SLMAP: variants seen among roughly 807,000 people sequenced by gnomAD.
SLMAP encodes sarcolemma associated protein, also known as sarcolemmal membrane-associated protein.
In SLMAP, 44 loss-of-function variants were observed where a neutral mutation model predicts 128.8. That is an observed-to-expected ratio of 0.34 (90% CI 0.27 to 0.44). The LOEUF is 0.44. Among genes scored for constraint, SLMAP ranks in the 20% least tolerant of loss-of-function variants. The pLI is 1.00. For missense variants in SLMAP, 787 were observed against 985.3 expected (o/e 0.80, Z 2.69); for synonymous variants, 327 against 348.8 (o/e 0.94, Z 0.70).
At chr3:57,791,112 T>C (rs1252762623) in intron 2 of SLMAP, among the ~76,000 whole-genome samples, 1 of 152,100 alleles carries the variant, frequency 6.6e-6, no homozygotes, top group Non-Finnish European at 1.5e-5. Context: ...TCCCAGCAGT[T>C]TGGGAGACTG....
At chr3:57,826,476 T>A (rs1034192139) in intron 2 of SLMAP, among the ~76,000 whole-genome samples, 1 of 152,234 alleles carries the variant, frequency 6.6e-6, no homozygotes, top group African/African-American at 2.4e-5. Context: ...CTTTTCTAAT[T>A]CACAGAGCTC....
intron 2 of SLMAP, among the ~76,000 whole-genome samples, chr3:57,778,521 C>T (rs2082354318): frequency 6.9e-6 from 1 of 144,448 alleles, no homozygotes; most frequent in Non-Finnish European, 1.5e-5. Context: ...TTTCTGCTTG[C>T]TTTGTGTTTA....
chr3:57,900,800 C>CT (rs916603998), intron 17 of SLMAP: 29 of 152,224 alleles, frequency 1.9e-4, no homozygotes, highest in African/African-American at 6.8e-4. Flanking sequence ...GAGCAAGACT[C>CT]TGTCTCAAAA....
intron 17 of SLMAP, chr3:57,900,148 T>G (rs1185955474): frequency 1.3e-5 from 2 of 152,212 alleles, no homozygotes; most frequent in African/African-American, 4.8e-5. Context: ...TCATTCAAAC[T>G]TTGTGCCTGA....
In SLMAP at chr3:57,928,312, A is replaced by G. The variant is rs1188575738; in HGVS notation, c.*1023A>G. ...CCTCCAAGCATGTTTAATTGAAGAA[A>G]GTATTAATATCTCTTTAGATAAGCT... On this transcript the variant is annotated 3_prime_UTR_variant, in exon 25 of 25. Coordinates refer to ENST00000671191, the MANE Select transcript of SLMAP (RefSeq NM_001377540.1). The G allele has an allele frequency of 3.3e-5, 5 of 152,174 alleles. No homozygotes were observed. Among genetic ancestry groups the G allele is most frequent in the Non-Finnish European group, 7.4e-5 (5 of 68,018 alleles). 9.4% of individuals were successfully genotyped at this position (152,174 alleles called of 1,614,324 possible). A position where few individuals can be genotyped will look rare whatever the true frequency, so the allele number is the denominator to read the frequency against.
intron 6 of SLMAP, among the ~76,000 whole-genome samples, chr3:57,853,962 TA>T (rs2094615862): frequency 1.5e-5 from 1 of 65,426 alleles, no homozygotes; most frequent in Non-Finnish European, 2.9e-5. Flanking sequence ...AAATTATATA[TA>T]TATATATATA....
chr3:57,914,644 G>A (rs1475011395), intron 21 of SLMAP, among the ~76,000 whole-genome samples: 1 of 151,238 alleles, frequency 6.6e-6, no homozygotes, highest in Non-Finnish European at 1.5e-5. Context: ...GATCAGTGGC[G>A]CGATCTCAGC....
chr3:57,857,746 G>A lies in SLMAP; in HGVS notation c.533G>A (p.Arg178Gln), dbSNP rs1334196313. 1 of 1,612,692 alleles carries A rather than the reference G, an allele frequency of 6.2e-7. No homozygotes were observed. Among genetic ancestry groups the A allele is most frequent in the Admixed American group, 1.7e-5 (1 of 60,010 alleles). Residue 178 changes from arginine to glutamine, a missense_variant, in exon 7 of 25, where the codon CGG becomes CAG. By Grantham distance (43) the Arg-to-Gln change is conservative (BLOSUM62 1). Transcript: ENST00000671191. Reference protein sequence around the residue: ...LSQYLQEALHREQMLEQKLAT... With the variant: ...LSQYLQEALHQEQMLEQKLAT... ...TTGTAATACTAGGAGGCCTTACATC[G>A]GGAACAAATGTTGGAACAGAAGTTA... is the stretch of plus-strand genomic sequence containing the variant.
At chr3:57,914,030 G>C (rs753641782) in intron 21 of SLMAP, among the ~76,000 whole-genome samples, 2 of 152,082 alleles carry the variant, frequency 1.3e-5, no homozygotes, top group Non-Finnish European at 2.9e-5. Context: ...TTCAAATAGG[G>C]TTGTATGAAG....
intron 2 of SLMAP, among the ~76,000 whole-genome samples, chr3:57,794,549 A>G (rs140483929): frequency 6.6e-6 from 1 of 151,980 alleles, no homozygotes; most frequent in East Asian, 1.9e-4. Context: ...CATTTTCATC[A>G]CTCCCAAAAG....
At chr3:57,776,044 G>A (rs1411252116) in intron 2 of SLMAP, among the ~76,000 whole-genome samples, 2 of 152,142 alleles carry the variant, frequency 1.3e-5, no homozygotes, top group African/African-American at 4.8e-5. Context: ...TGTGGAAAAG[G>A]ATACTCATTC....
At chr3:57,871,891 G>C (rs2095487792) in intron 14 of SLMAP, among the ~76,000 whole-genome samples, 193 bp downstream of exon 14, 1 of 152,226 alleles carries the variant, frequency 6.6e-6, no homozygotes, top group Non-Finnish European at 1.5e-5. Context: ...TGCCTTCACA[G>C]ATGGAGCTGA....
chr3:57,896,895 C>T lies in SLMAP; in HGVS notation c.1464C>T (p.Asp488=), dbSNP rs145697950. ...DTTDAQMDEQ[D]LNEPLAKVSL... ...TAGACGCCCAAATGGATGAGCAAGA[C>T]CTAAATGAGCCTCTTGCCAAAGTGT... Residue 488 remains aspartate (D), a synonymous_variant, in exon 17 of 25, where the codon GAC becomes GAT. Coordinates refer to ENST00000671191, the MANE Select transcript of SLMAP (RefSeq NM_001377540.1). The T allele has an allele frequency of 1.2e-6, 2 of 1,611,156 alleles. No homozygotes were observed. The highest frequency in any genetic ancestry group is 1.7e-6 in the Non-Finnish European group (2 of 1,179,064).
chr3:57,901,122 T>C (rs972552120), intron 17 of SLMAP: 1 of 152,272 alleles, frequency 6.6e-6, no homozygotes, highest in Non-Finnish European at 1.5e-5. Context: ...CCTATTTGGC[T>C]GAACCCATTC....
chr3:57,829,883 C>T (rs1321187475), intron 2 of SLMAP, among the ~76,000 whole-genome samples: 1 of 152,012 alleles, frequency 6.6e-6, no homozygotes, highest in Non-Finnish European at 1.5e-5. Context: ...AGTCTGTGTC[C>T]CCTGTGAAGT....
chr3:57,848,176 GCTCCTCCTC>G (rs58849244), intron 5 of SLMAP, among the ~76,000 whole-genome samples: 1 of 150,062 alleles, frequency 6.7e-6, no homozygotes, highest in East Asian at 2.0e-4. Context: ...TCCTGCTCCT[GCTCCTCCTC>G]CTCCTCCTCC....
chr3:57,780,283 A>G (rs1487036014), intron 2 of SLMAP, among the ~76,000 whole-genome samples: 2 of 151,992 alleles, frequency 1.3e-5, no homozygotes, highest in Admixed American at 6.6e-5. Flanking sequence ...AGTAGCTGGA[A>G]CTACAGGTGC....
At chr3:57,760,730 A>AC (rs1248273825) in intron 2 of SLMAP, among the ~76,000 whole-genome samples, 1 of 151,884 alleles carries the variant, frequency 6.6e-6, no homozygotes, top group Non-Finnish European at 1.5e-5. Context: ...TAAAAAAAAA[A>AC]AAAGAATCCC....
intron 15 of SLMAP, 157 bp from the exon 16 acceptor site, chr3:57,896,354 G>A (rs1257928196): frequency 1.5e-6 from 2 of 1,374,556 alleles, no homozygotes; most frequent in African/African-American, 3.0e-5. Flanking sequence ...TTCCATTTTG[G>A]ACAAGGGTGG....
Sources: allele counts gnomAD v4.1 joint callset (sites outside exome capture counted in the v4.1 genomes callset), GRCh38; gene constraint gnomAD v4.1.1; transcripts MANE v1.5; gene names NCBI Gene and HGNC (gene_info 2026-07-23, HGNC 2026-07-21).